The following HGSNAT variants were observed in gnomAD, a reference collection of about 807,000 sequenced individuals.
The protein encoded by HGSNAT is transmembrane protein 76.
HGSNAT carries 59 observed loss-of-function variants against 85.2 expected under a neutral mutation model. The observed-to-expected ratio is 0.69, with a 90% confidence interval of 0.56 to 0.86. The LOEUF (loss-of-function observed/expected upper bound fraction) is 0.86. Among genes scored for constraint, HGSNAT ranks in the 40% least tolerant of loss-of-function variants. The pLI, the probability that HGSNAT is intolerant of heterozygous loss-of-function variation, is 0.00. For synonymous variants in HGSNAT, 321 were observed against 304.5 expected, an observed-to-expected ratio of 1.05 and a Z score of -0.56; for missense variants, 756 against 777.1, an observed-to-expected ratio of 0.97 and a Z score of 0.32.
chr8:43,171,951 G>A (rs946902649), intron 7 of HGSNAT, among the ~76,000 whole-genome samples: 1 of 152,182 alleles, frequency 6.6e-6, no homozygotes, highest in African/African-American at 2.4e-5. Context: ...TCAGCTGGCT[G>A]TGTGCCTTCC....
Position 43,170,799 on chromosome 8 carries a change from T to C in HGSNAT, c.743+105T>C. On this transcript the variant is annotated intron_variant, in intron 7 of 17. Coordinates refer to ENST00000379644, the MANE Select transcript of HGSNAT (RefSeq NM_152419.3). Reference sequence around the variant, plus strand: ...TTAAGGACTTTTACATATCTTTTACTTTCTAGGCTAGGAAGGATTTCTTGG... The same window carrying C: ...TTAAGGACTTTTACATATCTTTTACCTTCTAGGCTAGGAAGGATTTCTTGG... The C allele has an allele frequency of 4.4e-6, 3 of 687,884 alleles. No individual in the cohort carries two copies. In the South Asian group the frequency reaches 6.6e-5, roughly 15 times the overall value. The allele number at this position is 687,884 out of a possible 1,614,324, so 42.6% of individuals were successfully genotyped here. A position where few individuals can be genotyped will look rare whatever the true frequency, so the allele number is the denominator to read the frequency against.
chr8:43,193,345 A>T (rs1412131142), intron 13 of HGSNAT, among the ~76,000 whole-genome samples: 1 of 152,238 alleles, frequency 6.6e-6, no homozygotes, highest in Non-Finnish European at 1.5e-5. Flanking sequence ...TAAAAATGTT[A>T]TTTGCCTTAA....
intron 1 of HGSNAT, among the ~76,000 whole-genome samples, chr8:43,141,977 G>A (rs1247348551): frequency 2.0e-5 from 3 of 152,146 alleles, no homozygotes; most frequent in Admixed American, 2.0e-4. Flanking sequence ...GGACCGCAAG[G>A]CTTTCCCTGT....
intron 10 of HGSNAT, among the ~76,000 whole-genome samples, chr8:43,180,032 C>T (rs1357485739): frequency 8.1e-6 from 1 of 123,736 alleles, no homozygotes; most frequent in Non-Finnish European, 1.7e-5. Flanking sequence ...CCCCTCACCT[C>T]CCAGACGGGG....
chr8:43,180,775 C>T (rs1475241916), intron 10 of HGSNAT: 4 of 239,872 alleles, frequency 1.7e-5, no homozygotes, highest in African/African-American at 7.9e-5. Context: ...GAGCCGAGAT[C>T]ACGCCACTGC....
chr8:43,172,210 T>C (rs994703183), intron 7 of HGSNAT, 100 bp from the exon 8 acceptor site: 1 of 834,448 alleles, frequency 1.2e-6, no homozygotes, highest in Non-Finnish European at 2.1e-6. Flanking sequence ...AATTGCATTG[T>C]TGCATGATTG....
chr8:43,151,199 A>G (rs974269665), intron 2 of HGSNAT, among the ~76,000 whole-genome samples: 2 of 152,252 alleles, frequency 1.3e-5, no homozygotes, highest in African/African-American at 4.8e-5. Context: ...TGAAGGTTTC[A>G]TCATAGAGCT....
Position 43,199,526 on chromosome 8 carries a change from T to C in HGSNAT, c.1865T>C (p.Ile622Thr), listed in dbSNP as rs1240119393. ...GTCGCCACTGCCCTCTGGGTGCTCATTGCCTACATCCTCTATAGAAAGAAG... is the reference window on the plus strand; with the variant it reads ...GTCGCCACTGCCCTCTGGGTGCTCACTGCCTACATCCTCTATAGAAAGAAG... The part of the protein sequence containing the change: ...NIVATALWVL[I>T]AYILYRKKIF... The change falls in exon 18 of 18, where the codon ATT becomes ACT. Residue 622 changes from isoleucine to threonine, a missense_variant. Transcript: ENST00000379644. 8 of 1,605,198 alleles carry C rather than the reference T, an allele frequency of 5.0e-6. No homozygotes were observed. Among genetic ancestry groups the C allele is most frequent in the East Asian group, 2.2e-5 (1 of 44,640 alleles).
In HGSNAT at chr8:43,199,430, A is replaced by G. The variant is rs1352031134; in HGVS notation, c.1769A>G (p.Glu590Gly). The change falls in exon 18 of 18, where the codon GAG becomes GGG. Residue 590 changes from glutamate to glycine, a missense_variant. Transcript: ENST00000379644. Reference sequence around the variant, plus strand: ...GTATATGTCGGCCACGAGGTGTTTGAGAACTACTTCCCCTTTCAGTGGAAG... The same window carrying G: ...GTATATGTCGGCCACGAGGTGTTTGGGAACTACTTCCCCTTTCAGTGGAAG... ...ILVYVGHEVF[E>G]NYFPFQWKLK... 1.2e-6 allele frequency: 2 copies of G among 1,609,786 alleles called. No homozygotes were observed. The highest frequency in any genetic ancestry group is 2.2e-5 in the East Asian group (1 of 44,816).
intron 10 of HGSNAT, chr8:43,181,921 T>C: frequency 5.6e-6 from 3 of 537,702 alleles, no homozygotes; most frequent in Non-Finnish European, 9.9e-6. Flanking sequence ...GTTTGAGCCA[T>C]GTCCCTGACT....
intron 2 of HGSNAT, 87 bp from the exon 3 acceptor site, chr8:43,158,488 G>A: frequency 7.4e-7 from 1 of 1,358,308 alleles, no homozygotes; most frequent in Non-Finnish European, 1.0e-6. Context: ...GTCATGTCAG[G>A]ATCTCCAGTT....
intron 11 of HGSNAT, among the ~76,000 whole-genome samples, chr8:43,185,814 C>T (rs923199671): frequency 3.9e-5 from 6 of 152,110 alleles, no homozygotes; most frequent in Non-Finnish European, 5.9e-5. Flanking sequence ...CAGGTCCCAT[C>T]GATACCTAGT....
In HGSNAT at chr8:43,197,301, G is replaced by A. The variant is rs527905460; in HGVS notation, c.1542+276G>A. The stretch of plus-strand genomic sequence containing the variant: ...AGGTATGGGCTCTGTGTGGAGAGGC[G>A]TATCAGAGAGACTGGGCAAATCAGA... On this transcript the variant is annotated intron_variant, in intron 15 of 17. Transcript: ENST00000379644. The A allele has an allele frequency of 3.8e-4, 205 of 540,428 alleles. No homozygotes were observed. In the Middle Eastern group the frequency reaches 4.5e-3, roughly 12 times the overall value. The allele number at this position is 540,428 out of a possible 1,614,324, so 33.5% of individuals were successfully genotyped here.
intron 14 of HGSNAT, among the ~76,000 whole-genome samples, chr8:43,194,821 C>T (rs1804653578): frequency 6.6e-6 from 1 of 152,214 alleles, no homozygotes; most frequent in African/African-American, 2.4e-5. Context: ...CCTGCCTTGC[C>T]TCTTCTACCA....
At chr8:43,169,302 T>A in intron 6 of HGSNAT, 60 bp downstream of exon 6, 1 of 1,085,374 alleles carries the variant, frequency 9.2e-7, no homozygotes, top group East Asian at 2.6e-5. Context: ...GAATTTATAG[T>A]TTCTTATTTA....
intron 11 of HGSNAT, among the ~76,000 whole-genome samples, chr8:43,188,999 C>T (rs1385381929): frequency 5.3e-5 from 8 of 152,284 alleles, no homozygotes; most frequent in Admixed American, 1.3e-4. Context: ...CTGGAAGCTT[C>T]GTCTCAGAGG....
At chr8:43,197,260 T>A in intron 15 of HGSNAT, 1 of 575,278 alleles carries the variant, frequency 1.7e-6, no homozygotes, top group Non-Finnish European at 3.1e-6. Flanking sequence ...TAGCCAGGAA[T>A]GCCTGAAGAA....
At chr8:43,176,839 T>G (rs1035470743) in intron 9 of HGSNAT, among the ~76,000 whole-genome samples, 1 of 152,220 alleles carries the variant, frequency 6.6e-6, no homozygotes, top group African/African-American at 2.4e-5. Context: ...CTGATTTCTT[T>G]TTCAGATTGT....
chr8:43,196,810 C>T (rs1399932739), intron 14 of HGSNAT, 138 bp from the exon 15 acceptor site: 7 of 647,238 alleles, frequency 1.1e-5, no homozygotes, highest in East Asian at 2.7e-5. Context: ...TGATGTTTCC[C>T]GCCTCCCTGT....
Sources: allele counts gnomAD v4.1 joint callset (sites outside exome capture counted in the v4.1 genomes callset), GRCh38; gene constraint gnomAD v4.1.1; transcripts MANE v1.5; gene names NCBI Gene and HGNC (gene_info 2026-07-23, HGNC 2026-07-21).